ANKRD30A: variants seen among roughly 807,000 people sequenced by gnomAD.
The protein encoded by ANKRD30A is ankyrin repeat domain-containing protein 30A.
A neutral mutation model predicts 166.3 loss-of-function variants in ANKRD30A; 170 were observed. The ratio of observed to expected loss-of-function variants is 1.02; its 90% CI spans 0.90 to 1.16. ANKRD30A has a LOEUF of 1.16. Among genes scored for constraint, ANKRD30A ranks in the 50% most tolerant of loss-of-function variants. The probability of loss-of-function intolerance (pLI) is 0.00; values close to 1 mark genes in which losing one functional copy is unlikely to be tolerated. For missense variants in ANKRD30A, 1,630 were observed against 1,518.0 expected, an observed-to-expected ratio of 1.07 and a Z score of -1.23; for synonymous variants, 564 against 508.9, an observed-to-expected ratio of 1.11 and a Z score of -1.46.
At chr10:37,153,707 T>C in intron 13 of ANKRD30A, 45 bp downstream of exon 13, 1 of 1,605,594 alleles carries the variant, frequency 6.2e-7, no homozygotes, top group South Asian at 1.1e-5. Flanking sequence ...CGAATATTTC[T>C]CTAAACTGAT....
intron 34 of ANKRD30A, 124 bp downstream of exon 34, chr10:37,220,021 ATATAT>A (rs1842826183): frequency 1.4e-5 from 2 of 139,584 alleles, no homozygotes; most frequent in Non-Finnish European, 2.7e-5. Flanking sequence ...ATATATATAT[ATATAT>A]ATAATATATG....
chr10:37,250,728 A>G, the ANKRD30A span, among the ~76,000 whole-genome samples: 1 of 152,274 alleles, frequency 6.6e-6, no homozygotes, highest in Admixed American at 6.5e-5. Flanking sequence ...GCAAGAAGAC[A>G]CCATCTATGA....
intron 1 of ANKRD30A, among the ~76,000 whole-genome samples, chr10:37,127,193 A>G (rs1339135659): frequency 6.6e-6 from 1 of 152,014 alleles, no homozygotes; most frequent in Non-Finnish European, 1.5e-5. Flanking sequence ...GGTAATGGTC[A>G]CACTTTATAC....
At chr10:37,137,421 C>CGA (rs1836784249) in intron 6 of ANKRD30A, among the ~76,000 whole-genome samples, 1 of 152,134 alleles carries the variant, frequency 6.6e-6, no homozygotes, top group Non-Finnish European at 1.5e-5. Context: ...CGAAGCAGGG[C>CGA]GAGGCATTGC....
chr10:37,141,559 T>A (rs1379665770), intron 6 of ANKRD30A, among the ~76,000 whole-genome samples, 159 bp from the exon 7 acceptor site: 1 of 116,260 alleles, frequency 8.6e-6, no homozygotes, highest in Non-Finnish European at 1.7e-5. Context: ...GGTGACTGAG[T>A]GAGACTCTGT....
At chr10:37,203,417 C>G (rs1317462894) in intron 31 of ANKRD30A, among the ~76,000 whole-genome samples, 1 of 152,140 alleles carries the variant, frequency 6.6e-6, no homozygotes, top group Non-Finnish European at 1.5e-5. Flanking sequence ...CAGAAAAGGC[C>G]TTTGACAAAA....
chr10:37,218,867 A>G (rs776525027), intron 33 of ANKRD30A, 113 bp from the exon 34 acceptor site: 9 of 702,126 alleles, frequency 1.3e-5, no homozygotes, highest in Non-Finnish European at 1.6e-5. Context: ...ACTGATACCT[A>G]CTTATAAAAA....
chr10:37,201,626 C>T (rs1366005099), intron 31 of ANKRD30A, among the ~76,000 whole-genome samples: 2 of 151,696 alleles, frequency 1.3e-5, no homozygotes, highest in African/African-American at 2.4e-5. Flanking sequence ...AAAGACAGAG[C>T]GTACAGAGAG....
Sources: allele counts gnomAD v4.1 joint callset (sites outside exome capture counted in the v4.1 genomes callset), GRCh38; gene constraint gnomAD v4.1.1; transcripts MANE v1.5; gene names NCBI Gene and HGNC (gene_info 2026-07-23, HGNC 2026-07-21).